Variants in THSD4 observed in about 807,000 individuals in gnomAD.
THSD4 encodes thrombospondin type-1 domain-containing protein 4.
In THSD4, 69 loss-of-function variants were observed where a neutral mutation model predicts 119.0. That is an observed-to-expected ratio of 0.58 (90% CI 0.48 to 0.71). The LOEUF is 0.71. THSD4 is among the 30% of genes least tolerant of loss of function. The probability of loss-of-function intolerance (pLI) is 0.00; values close to 1 mark genes in which losing one functional copy is unlikely to be tolerated. For synonymous variants in THSD4, 524 were observed against 540.4 expected, an observed-to-expected ratio of 0.97 and a Z score of 0.42; for missense variants, 1,393 against 1,391.1, an observed-to-expected ratio of 1.00 and a Z score of -0.02.
At chr15:71,279,786 A>T (rs1171546381) in intron 6 of THSD4, among the ~76,000 whole-genome samples, 1 of 11,722 alleles carries the variant, frequency 8.5e-5, no homozygotes, top group East Asian at 7.5e-3. Flanking sequence ...TTCCCCTTTA[A>T]AAAAAAAAAA....
chr15:71,143,741 T>C (rs979382164), intron 2 of THSD4, among the ~76,000 whole-genome samples: 2 of 150,172 alleles, frequency 1.3e-5, no homozygotes, highest in African/African-American at 4.9e-5. Flanking sequence ...GGATTTTGCT[T>C]ATCACCCAGG....
Position 71,758,906 on chromosome 15 carries a change from G to A in THSD4, c.2589+831G>A, listed in dbSNP as rs74022425. Among the ~76,000 whole-genome samples the A allele has an allele frequency of 4.6e-3, 695 of 152,250 alleles. 3 individuals are homozygous for A. The highest frequency in any genetic ancestry group is 0.015 in the African/African-American group (622 of 41,536). On this transcript the variant is annotated intron_variant, in intron 15 of 17. Transcript: ENST00000261862. ...GAAAGCAATTTGGCAATAAAAGTCA[G>A]GAACCATAAAAATGTTCCTTTGCCT...
At chr15:71,435,406 T>C (rs1035390475) in intron 7 of THSD4, among the ~76,000 whole-genome samples, 4 of 152,238 alleles carry the variant, frequency 2.6e-5, no homozygotes, top group Admixed American at 2.6e-4. Context: ...GTTTTTAGGC[T>C]ATCTTTCTTT....
rs768392988 is a variant in THSD4, at chr15:71,748,560, C to T, written c.2381C>T (p.Ala794Val). The T allele has an allele frequency of 6.2e-7, 1 of 1,614,154 alleles. No individual in the cohort carries two copies. Among genetic ancestry groups the T allele is most frequent in the East Asian group, 2.2e-5 (1 of 44,874 alleles). Residue 794 changes from alanine to valine, a missense_variant, in exon 14 of 18, where the codon GCC becomes GTC. Transcript: ENST00000261862. ...GAGAACTGCGACATGGGACCCTGTG[C>T]CAAGAGCTGGTTCCTCACCGAGTGG... Reference protein sequence around the residue: ...DIENCDMGPCAKSWFLTEWSE... With the variant: ...DIENCDMGPCVKSWFLTEWSE...
chr15:71,233,125 A>C (rs183929314), intron 4 of THSD4, among the ~76,000 whole-genome samples: 146 of 152,332 alleles, frequency 9.6e-4, no homozygotes, highest in Non-Finnish European at 1.2e-3. Flanking sequence ...TTCTGGGAGT[A>C]TATGACTTTT....
chr15:71,182,350 C>G (rs1342173565), intron 3 of THSD4, among the ~76,000 whole-genome samples: 1 of 151,650 alleles, frequency 6.6e-6, no homozygotes, highest in Non-Finnish European at 1.5e-5. Flanking sequence ...TGAACAAACT[C>G]TACTCTGGTA....
chr15:71,592,432 AGAGGTGCTAG>A (rs2049824715), intron 7 of THSD4, among the ~76,000 whole-genome samples: 1 of 152,170 alleles, frequency 6.6e-6, no homozygotes, highest in African/African-American at 2.4e-5. Context: ...ACTTGTCTGT[AGAGGTGCTAG>A]GAGAAGCTGT....
chr15:71,583,356 AACTCTT>A (rs1171765943), intron 7 of THSD4, among the ~76,000 whole-genome samples: 3 of 152,020 alleles, frequency 2.0e-5, no homozygotes, highest in Non-Finnish European at 4.4e-5. Context: ...TCAGAAACCC[AACTCTT>A]AGTTTCATTG....
chr15:71,252,784 T>C (rs1158901869), intron 5 of THSD4, among the ~76,000 whole-genome samples: 2 of 152,256 alleles, frequency 1.3e-5, no homozygotes, highest in Non-Finnish European at 2.9e-5. Flanking sequence ...ATAATAGTTA[T>C]TGTGAGGATT....
intron 8 of THSD4, among the ~76,000 whole-genome samples, chr15:71,665,251 T>C (rs2051393781): frequency 6.6e-6 from 1 of 152,236 alleles, no homozygotes; most frequent in African/African-American, 2.4e-5. Flanking sequence ...ATTAGTGATA[T>C]TGAGCTTTTT....
chr15:71,324,401 C>A (rs1398033362), intron 6 of THSD4, among the ~76,000 whole-genome samples: 1 of 152,110 alleles, frequency 6.6e-6, no homozygotes, highest in Non-Finnish European at 1.5e-5. Flanking sequence ...TGAGCCCACC[C>A]ATCACCTGAG....
chr15:71,564,470 A>G (rs2049183859), intron 7 of THSD4, among the ~76,000 whole-genome samples: 1 of 152,124 alleles, frequency 6.6e-6, no homozygotes, highest in African/African-American at 2.4e-5. Context: ...GTGGAAGGGG[A>G]GGGAGGTAAA....
chr15:71,189,643 C>G (rs2415108), intron 3 of THSD4, among the ~76,000 whole-genome samples: 1 of 150,490 alleles, frequency 6.6e-6, no homozygotes, highest in South Asian at 2.1e-4. Context: ...GCACTCCAGT[C>G]TGGGCGACAG....
intron 6 of THSD4, among the ~76,000 whole-genome samples, chr15:71,275,384 C>T (rs142016079): frequency 2.6e-5 from 4 of 152,262 alleles, no homozygotes; most frequent in East Asian, 1.9e-4. Context: ...TCTCACTCTC[C>T]GAGCAGAGGT....
Position 71,763,607 on chromosome 15 carries a change from G to A in THSD4, c.2590-1413G>A, listed in dbSNP as rs1350514270. Among the ~76,000 whole-genome samples, 6 of 151,234 alleles carry A rather than the reference G, an allele frequency of 4.0e-5. No individual in the cohort carries two copies. In the East Asian group the frequency reaches 1.2e-3, roughly 30 times the overall value. The stretch of plus-strand genomic sequence containing the variant: ...TCGTCACCCAGGCTGGAGTGCAGTG[G>A]CACGATCTTGGCTCACTGCAACCTC... On this transcript the variant is annotated intron_variant, in intron 15 of 17. Coordinates refer to ENST00000261862, the MANE Select transcript of THSD4 (RefSeq NM_024817.3).
At chr15:71,438,897 T>C (rs1263006566) in intron 7 of THSD4, among the ~76,000 whole-genome samples, 1 of 152,234 alleles carries the variant, frequency 6.6e-6, no homozygotes, top group East Asian at 1.9e-4. Flanking sequence ...AGACTTCCTG[T>C]TTACAATATA....
chr15:71,752,138 AG>A (rs2053458826), intron 14 of THSD4, among the ~76,000 whole-genome samples: 2 of 151,966 alleles, frequency 1.3e-5, no homozygotes, highest in Admixed American at 1.3e-4. Context: ...CTGAAAAGGC[AG>A]GGGGCACAGA....
At chr15:71,292,238 C>G (rs562404336) in intron 6 of THSD4, among the ~76,000 whole-genome samples, 1 of 151,822 alleles carries the variant, frequency 6.6e-6, no homozygotes, top group South Asian at 2.1e-4. Context: ...TTCAGGTCTT[C>G]GGTTGATTTC....
At chr15:71,147,004 G>A (rs2040668792) in intron 2 of THSD4, among the ~76,000 whole-genome samples, 1 of 152,076 alleles carries the variant, frequency 6.6e-6, no homozygotes, top group African/African-American at 2.4e-5. Flanking sequence ...ATATCTCTAA[G>A]TGTATTTTTA....
Sources: allele counts gnomAD v4.1 joint callset (sites outside exome capture counted in the v4.1 genomes callset), GRCh38; gene constraint gnomAD v4.1.1; transcripts MANE v1.5; gene names NCBI Gene and HGNC (gene_info 2026-07-23, HGNC 2026-07-21).